Variants in PCSK2 observed in about 807,000 individuals in gnomAD.
PCSK2 encodes the protein proprotein convertase subtilisin/kexin type 2, also known as neuroendocrine convertase 2.
Under a neutral mutation model 69.7 loss-of-function variants are expected in PCSK2, and 14 were observed. That is an observed-to-expected ratio of 0.20 (90% CI 0.13 to 0.31). PCSK2 has a LOEUF of 0.31. Ranked by LOEUF, PCSK2 falls within the 10% of genes least tolerant of loss-of-function variation. The pLI, the probability that PCSK2 is intolerant of heterozygous loss-of-function variation, is 1.00. For missense variants in PCSK2, 544 were observed against 842.5 expected, an observed-to-expected ratio of 0.65 and a Z score of 4.39; for synonymous variants, 307 against 320.7, an observed-to-expected ratio of 0.96 and a Z score of 0.46.
Position 17,436,702 on chromosome 20 carries a change from C to T in PCSK2, c.710-6C>T, listed in dbSNP as rs1208814593. 1 of 1,609,922 alleles carries T rather than the reference C, an allele frequency of 6.2e-7. No homozygotes were observed. The highest frequency in any genetic ancestry group is 8.5e-7 in the Non-Finnish European group (1 of 1,177,824). ...ACATGGTGTCCTCTGCTCAACGTGT[C>T]CACAGGCATCCGGATGCTGGACCAG... is the stretch of plus-strand genomic sequence containing the variant. On this transcript the variant is annotated splice_polypyrimidine_tract_variant and splice_region_variant and intron_variant, in intron 7 of 11. Transcript: ENST00000262545.
intron 2 of PCSK2, among the ~76,000 whole-genome samples, chr20:17,350,151 T>C (rs1205926113): frequency 2.0e-5 from 3 of 146,704 alleles, no homozygotes; most frequent in African/African-American, 7.6e-5. Context: ...TATGACCTCA[T>C]CTTAACTAAT....
At chr20:17,285,752 T>A (rs1222122568) in intron 2 of PCSK2, among the ~76,000 whole-genome samples, 1 of 152,190 alleles carries the variant, frequency 6.6e-6, no homozygotes. Context: ...CCACCATTAC[T>A]GTTAAGGAAT....
At chr20:17,284,782 T>C (rs1046595936) in intron 2 of PCSK2, among the ~76,000 whole-genome samples, 1 of 152,134 alleles carries the variant, frequency 6.6e-6, no homozygotes, top group African/African-American at 2.4e-5. Context: ...CCAAGGAGTT[T>C]GGGGATAGAG....
At chr20:17,409,210 C>T (rs2031818065) in intron 5 of PCSK2, 53 bp from the exon 6 acceptor site, 2 of 1,394,346 alleles carry the variant, frequency 1.4e-6, no homozygotes. Context: ...AGCGCTTTCC[C>T]TTTACTGCGC....
intron 2 of PCSK2, among the ~76,000 whole-genome samples, chr20:17,272,679 A>G (rs1987917136): frequency 6.6e-6 from 1 of 152,134 alleles, no homozygotes; most frequent in Admixed American, 6.6e-5. Context: ...TGCCAGGATG[A>G]TATGAATCTA....
intron 2 of PCSK2, among the ~76,000 whole-genome samples, chr20:17,331,741 T>TTTTTAC (rs1990212209): frequency 6.6e-6 from 1 of 151,386 alleles, no homozygotes; most frequent in Non-Finnish European, 1.5e-5. Flanking sequence ...CTTCAAAGTA[T>TTTTTAC]TTTTATGCCC....
At chr20:17,477,204 AG>A (rs2033306497) in intron 11 of PCSK2, among the ~76,000 whole-genome samples, 2 of 152,340 alleles carry the variant, frequency 1.3e-5, no homozygotes, top group South Asian at 4.1e-4. Context: ...GTGCTTTACA[AG>A]ATGTGTGTTT....
intron 6 of PCSK2, among the ~76,000 whole-genome samples, chr20:17,420,722 G>C (rs1026793283): frequency 2.0e-5 from 3 of 152,196 alleles, no homozygotes; most frequent in African/African-American, 7.2e-5. Flanking sequence ...TTTCTTAAGA[G>C]AGAGAAATAC....
chr20:17,448,417 T>C (rs1484877373), intron 8 of PCSK2, among the ~76,000 whole-genome samples: 1 of 152,236 alleles, frequency 6.6e-6, no homozygotes, highest in Non-Finnish European at 1.5e-5. Flanking sequence ...AAGCAATTTG[T>C]AACATTCTTT....
chr20:17,480,184 C>CTTTTTTTTTTGTT (rs2033371052), intron 11 of PCSK2, among the ~76,000 whole-genome samples: 1 of 76,998 alleles, frequency 1.3e-5, no homozygotes, highest in Non-Finnish European at 2.4e-5. Context: ...TTCAGCTTTT[C>CTTTTTTTTTTGTT]TTTTTTTTTT....
At chr20:17,366,827 T>C (rs2123225943) in intron 4 of PCSK2, among the ~76,000 whole-genome samples, 1 of 152,312 alleles carries the variant, frequency 6.6e-6, no homozygotes, top group East Asian at 1.9e-4. Flanking sequence ...TAAATTTATC[T>C]TGTTTTAATT....
At chr20:17,437,645 C>T (rs935488387) in intron 8 of PCSK2, among the ~76,000 whole-genome samples, 6 of 152,190 alleles carry the variant, frequency 3.9e-5, no homozygotes, top group African/African-American at 1.4e-4. Flanking sequence ...TGCAACTGCT[C>T]GGCACTGAGA....
chr20:17,314,392 A>T (rs1268917892), intron 2 of PCSK2, among the ~76,000 whole-genome samples: 1 of 152,244 alleles, frequency 6.6e-6, no homozygotes, highest in African/African-American at 2.4e-5. Flanking sequence ...GATTTTTCCA[A>T]ATCTACAGGA....
chr20:17,466,269 T>C (rs1394243535), intron 11 of PCSK2, among the ~76,000 whole-genome samples: 2 of 152,234 alleles, frequency 1.3e-5, no homozygotes, highest in African/African-American at 2.4e-5. Context: ...GCCTGTTCCA[T>C]ACTTACTAGA....
chr20:17,366,524 A>G (rs1203397334), intron 4 of PCSK2, among the ~76,000 whole-genome samples: 1 of 152,254 alleles, frequency 6.6e-6, no homozygotes, highest in African/African-American at 2.4e-5. Flanking sequence ...AGCATGAAGT[A>G]TAAGAATGAA....
intron 1 of PCSK2, among the ~76,000 whole-genome samples, chr20:17,241,373 C>A (rs1406402296): frequency 6.6e-6 from 1 of 152,152 alleles, no homozygotes; most frequent in African/African-American, 2.4e-5. Context: ...GTCACCCATA[C>A]TATGCTGAGG....
At chr20:17,293,692 T>C (rs1223770411) in intron 2 of PCSK2, among the ~76,000 whole-genome samples, 2 of 152,250 alleles carry the variant, frequency 1.3e-5, no homozygotes, top group Admixed American at 6.5e-5. Flanking sequence ...CATGAGATTA[T>C]GTTTTATTAT....
intron 1 of PCSK2, among the ~76,000 whole-genome samples, chr20:17,244,754 A>G (rs1484742941): frequency 6.6e-6 from 1 of 152,154 alleles, no homozygotes; most frequent in African/African-American, 2.4e-5. Flanking sequence ...AACTCTTACC[A>G]TTCACCCAAG....
intron 1 of PCSK2, among the ~76,000 whole-genome samples, chr20:17,249,637 G>A (rs1043969286): frequency 2.6e-5 from 4 of 152,060 alleles, no homozygotes; most frequent in Non-Finnish European, 4.4e-5. Context: ...AACCAAATGT[G>A]GTATACAGGG....
Sources: gnomAD v4.1 joint callset for allele counts (sites outside exome capture counted in the v4.1 genomes callset) on GRCh38, gnomAD v4.1.1 for gene constraint, MANE v1.5 for transcripts, NCBI Gene and HGNC (gene_info 2026-07-23, HGNC 2026-07-21) for gene names.